The following PIERCE2 variants were observed in gnomAD, a reference collection of about 807,000 sequenced individuals.
The protein encoded by PIERCE2 is piercer of microtubule wall 2 protein.
chr15:55,417,930 T>C, the PIERCE2 span: 1 of 528,482 alleles, frequency 1.9e-6, no homozygotes, highest in Non-Finnish European at 3.3e-6. Context: ...CACAAGGTGC[T>C]CAGTGGGGGA....
At chr15:55,412,567 C>A in the PIERCE2 span, among the ~76,000 whole-genome samples, 1 of 152,138 alleles carries the variant, frequency 6.6e-6, no homozygotes, top group Non-Finnish European at 1.5e-5. Context: ...TGGAAAAATA[C>A]TTTCAAAAAC....
chr15:55,418,370 A>G, the PIERCE2 span: 1 of 1,536,932 alleles, frequency 6.5e-7, no homozygotes, highest in Non-Finnish European at 8.7e-7. Context: ...AAAACCTCAA[A>G]TGATTATGTA....
the PIERCE2 span, among the ~76,000 whole-genome samples, chr15:55,413,137 T>A: frequency 4.0e-5 from 6 of 151,896 alleles, no homozygotes; most frequent in South Asian, 2.1e-4. Context: ...GCACGGTGGC[T>A]GGCGCCTGTA....
At chr15:55,413,225 G>A in the PIERCE2 span, among the ~76,000 whole-genome samples, 17 of 150,430 alleles carry the variant, frequency 1.1e-4, no homozygotes, top group African/African-American at 3.4e-4. Flanking sequence ...CCAAGATCGC[G>A]CCACTGCACT....
the PIERCE2 span, among the ~76,000 whole-genome samples, chr15:55,412,679 A>T: frequency 3.2e-3 from 485 of 152,244 alleles, 3 homozygotes; most frequent in African/African-American, 0.011. Flanking sequence ...AGGCCTGAGG[A>T]TCACTTCAGC....
chr15:55,415,234 G>A, the PIERCE2 span, among the ~76,000 whole-genome samples: 23 of 152,092 alleles, frequency 1.5e-4, no homozygotes, highest in Non-Finnish European at 2.9e-5. Flanking sequence ...TTGGGAGGCC[G>A]AGGCAGGTGG....
the PIERCE2 span, chr15:55,418,416 C>G: frequency 1.3e-6 from 2 of 1,529,526 alleles, no homozygotes; most frequent in East Asian, 2.4e-5. Context: ...GAATTTCTAC[C>G]TATTCCACAG....
chr15:55,411,647 C>G, the PIERCE2 span, among the ~76,000 whole-genome samples: 4 of 151,928 alleles, frequency 2.6e-5, no homozygotes, highest in South Asian at 4.2e-4. Context: ...TTAGGCTAGG[C>G]ACGGTGGCTC....
At chr15:55,410,416 G>A in the PIERCE2 span, 1 of 152,198 alleles carries the variant, frequency 6.6e-6, no homozygotes. Context: ...CTGGGAGGCC[G>A]AGGCAGGCGA....
chr15:55,408,515 G>A, the PIERCE2 span: 1 of 347,700 alleles, frequency 2.9e-6, no homozygotes, highest in Non-Finnish European at 5.2e-6. Context: ...ACATCCGGGA[G>A]CCGGCGACCA....
At chr15:55,410,664 TAAAA>T in the PIERCE2 span, 1 of 151,714 alleles carries the variant, frequency 6.6e-6, no homozygotes, top group Non-Finnish European at 1.5e-5. Flanking sequence ...AATAAAAAAA[TAAAA>T]AAGAGTTCTC....
chr15:55,418,350 C>T, the PIERCE2 span: 1 of 1,539,914 alleles, frequency 6.5e-7, no homozygotes, highest in Non-Finnish European at 8.8e-7. Flanking sequence ...CAGACAGCCA[C>T]CTCACTATCA....
the PIERCE2 span, among the ~76,000 whole-genome samples, chr15:55,411,964 G>A: frequency 6.6e-6 from 1 of 151,902 alleles, no homozygotes; most frequent in South Asian, 2.1e-4. Flanking sequence ...GGTGGCGCAC[G>A]CCTTTAAGCC....
the PIERCE2 span, chr15:55,418,680 A>C: frequency 5.3e-6 from 4 of 749,364 alleles, no homozygotes; most frequent in Non-Finnish European, 8.1e-6. Flanking sequence ...ATCAATTTTT[A>C]AAATAAGTTA....
chr15:55,417,760 GT>G, the PIERCE2 span: 1 of 190,428 alleles, frequency 5.3e-6, no homozygotes, highest in Non-Finnish European at 1.1e-5. Context: ...CAGGCTTTGT[GT>G]GAGCAATAAA....
the PIERCE2 span, among the ~76,000 whole-genome samples, chr15:55,409,709 TTTTCA>T: frequency 6.6e-6 from 1 of 152,198 alleles, no homozygotes; most frequent in Admixed American, 6.6e-5. Context: ...CAATGGCTTG[TTTTCA>T]TTTATCTTTT....
the PIERCE2 span, chr15:55,418,319 A>G: frequency 3.9e-6 from 6 of 1,545,048 alleles, no homozygotes; most frequent in Non-Finnish European, 4.4e-6. Flanking sequence ...GTTTTCATGT[A>G]TGTTGGATCC....
chr15:55,413,481 G>A, the PIERCE2 span, among the ~76,000 whole-genome samples: 2 of 151,730 alleles, frequency 1.3e-5, no homozygotes, highest in East Asian at 2.0e-4. Flanking sequence ...TTTAAGGGCC[G>A]GCCGTGGTGT....
At chr15:55,408,615 T>G in the PIERCE2 span, 1 of 571,668 alleles carries the variant, frequency 1.7e-6, no homozygotes, top group Non-Finnish European at 3.1e-6. Flanking sequence ...AACGGATAGG[T>G]TTACACATAC....
Sources: gnomAD v4.1 joint callset for allele counts (sites outside exome capture counted in the v4.1 genomes callset) on GRCh38, gnomAD v4.1.1 for gene constraint, MANE v1.5 for transcripts, NCBI Gene and HGNC (gene_info 2026-07-23, HGNC 2026-07-21) for gene names.